HECW2: variants seen among roughly 807,000 people sequenced by gnomAD.
HECW2 encodes HECT, C2 and WW domain containing E3 ubiquitin protein ligase 2, also known as E3 ubiquitin-protein ligase HECW2.
A neutral mutation model predicts 175.2 loss-of-function variants in HECW2; 61 were observed. That is an observed-to-expected ratio of 0.35 (90% CI 0.28 to 0.43). The LOEUF is 0.43. HECW2 is among the 20% of genes least tolerant of loss of function. The pLI, the probability that HECW2 is intolerant of heterozygous loss-of-function variation, is 1.00. For synonymous variants in HECW2, 671 were observed against 731.0 expected (o/e 0.92, Z 1.32); for missense variants, 1,524 against 2,000.5 (o/e 0.76, Z 4.54).
At chr2:196,519,380 A>G (rs1245804830) in intron 1 of HECW2, among the ~76,000 whole-genome samples, 8 of 152,230 alleles carry the variant, frequency 5.3e-5, no homozygotes, top group Admixed American at 3.9e-4. Context: ...AAATAAATAA[A>G]TAAATAAATA....
At chr2:196,480,435 G>A (rs566342002) in intron 1 of HECW2, among the ~76,000 whole-genome samples, 2 of 152,258 alleles carry the variant, frequency 1.3e-5, no homozygotes, top group South Asian at 2.1e-4. Flanking sequence ...AAAATTGGGC[G>A]AGGCCTCCCT....
intron 3 of HECW2, among the ~76,000 whole-genome samples, chr2:196,342,904 T>C (rs142123404): frequency 6.6e-6 from 1 of 151,882 alleles, no homozygotes; most frequent in African/African-American, 2.4e-5. Context: ...TAATTATAGA[T>C]ATAAAGGGTA....
Position 196,258,038 on chromosome 2 carries a change from CCT to C in HECW2, c.3336-134_3336-133del. The C allele has an allele frequency of 6.4e-6, 4 of 626,698 alleles. No individual in the cohort carries two copies. In the South Asian group the frequency reaches 7.8e-5, roughly 12 times the overall value. 38.8% of individuals were successfully genotyped at this position (626,698 alleles called of 1,614,324 possible). On this transcript the variant is annotated intron_variant, in intron 17 of 28. Transcript: ENST00000644978. ...TTATGTGGCAGCTACTGTGTAATAC[CCT>C]AGGAATACACATCCAAGAGAGACAT... is the stretch of plus-strand genomic sequence containing the variant.
At chr2:196,416,033 T>C (rs769688831) in intron 2 of HECW2, among the ~76,000 whole-genome samples, 4 of 152,246 alleles carry the variant, frequency 2.6e-5, no homozygotes, top group Non-Finnish European at 5.9e-5. Flanking sequence ...ATTTTATTTC[T>C]TCGTATCTTT....
chr2:196,221,872 A>G (rs1196287018), intron 24 of HECW2, among the ~76,000 whole-genome samples: 1 of 152,196 alleles, frequency 6.6e-6, no homozygotes, highest in Admixed American at 6.5e-5. Flanking sequence ...CATTCTATAA[A>G]TGCCAATTAA....
At position 196,419,771 on chromosome 2, in the gene HECW2, T is replaced by C. The variant is rs146767301; in HGVS notation, c.292+13361A>G. ...TTACAAATGTTATCTTGTTCCACCTTCAGTGCAATCTTATGAGGTTGGTAT... is the reference window on the plus strand; with the variant it reads ...TTACAAATGTTATCTTGTTCCACCTCCAGTGCAATCTTATGAGGTTGGTAT... On this transcript the variant is annotated intron_variant, in intron 2 of 28. Coordinates refer to ENST00000644978, the MANE Select transcript of HECW2 (RefSeq NM_001348768.2). 5.8e-4 allele frequency among the ~76,000 whole-genome samples: 89 copies of C among 152,284 alleles called. 1 individual carries two copies. The East Asian group carries it at 0.016, about 27-fold the overall frequency.
intron 21 of HECW2, among the ~76,000 whole-genome samples, chr2:196,233,224 G>T (rs890529351): frequency 2.6e-4 from 39 of 152,086 alleles, no homozygotes; most frequent in African/African-American, 9.2e-4. Context: ...TCTGGACGAC[G>T]GGTGTGTAGC....
chr2:196,228,923 C>T (rs1036621767), intron 21 of HECW2, among the ~76,000 whole-genome samples: 2 of 152,130 alleles, frequency 1.3e-5, no homozygotes, highest in Admixed American at 6.5e-5. Context: ...AACTCTAACA[C>T]CTGAGCTACA....
At chr2:196,345,960 A>G (rs1016610565) in intron 2 of HECW2, among the ~76,000 whole-genome samples, 1 of 152,232 alleles carries the variant, frequency 6.6e-6, no homozygotes, top group Admixed American at 6.5e-5. Flanking sequence ...AAGAAAGAGA[A>G]CACACACATA....
chr2:196,228,042 T>C, intron 22 of HECW2, 60 bp downstream of exon 22: 1 of 1,415,890 alleles, frequency 7.1e-7, no homozygotes, highest in Non-Finnish European at 9.4e-7. Flanking sequence ...GTGGGTTCTA[T>C]AAAAAAACTA....
At chr2:196,274,236 G>C in intron 15 of HECW2, 113 bp from the exon 16 acceptor site, 1 of 709,894 alleles carries the variant, frequency 1.4e-6, no homozygotes, top group Admixed American at 2.2e-5. Flanking sequence ...AGTACCACTT[G>C]ATCAGAACAG....
chr2:196,438,881 T>C (rs772947411), intron 1 of HECW2, among the ~76,000 whole-genome samples: 40 of 152,318 alleles, frequency 2.6e-4, no homozygotes, highest in African/African-American at 5.5e-4. Flanking sequence ...TGAAGCTGTA[T>C]AGTCTTCAAA....
At chr2:196,469,365 C>T (rs991739658) in intron 1 of HECW2, among the ~76,000 whole-genome samples, 2 of 151,996 alleles carry the variant, frequency 1.3e-5, no homozygotes, top group African/African-American at 2.4e-5. Flanking sequence ...ACTGTCTCAC[C>T]ACTTTGGCAG....
At chr2:196,338,410 T>A (rs1398168901) in intron 3 of HECW2, among the ~76,000 whole-genome samples, 3 of 152,210 alleles carry the variant, frequency 2.0e-5, no homozygotes, top group Non-Finnish European at 4.4e-5. Flanking sequence ...TACTTTCAAT[T>A]TTTATACTTT....
chr2:196,558,083 G>T (rs1335322774), intron 1 of HECW2, among the ~76,000 whole-genome samples: 1 of 152,126 alleles, frequency 6.6e-6, no homozygotes, highest in Admixed American at 6.5e-5. Context: ...CCATTTAAAA[G>T]ATGAATCAAT....
At chr2:196,401,634 C>G (rs1694819252) in intron 2 of HECW2, among the ~76,000 whole-genome samples, 1 of 152,176 alleles carries the variant, frequency 6.6e-6, no homozygotes, top group African/African-American at 2.4e-5. Flanking sequence ...ATACCTTTCA[C>G]AGATGTTTTA....
intron 28 of HECW2, among the ~76,000 whole-genome samples, chr2:196,215,458 C>A (rs1004553600): frequency 6.6e-6 from 1 of 152,126 alleles, no homozygotes; most frequent in Non-Finnish European, 1.5e-5. Flanking sequence ...CTAAAGAGAT[C>A]TAGAGCACAT....
Position 196,318,797 on chromosome 2 carries a change from T to C in HECW2, c.2093A>G (p.Gln698Arg), listed in dbSNP as rs199586506. 4.8e-5 allele frequency: 73 copies of C among 1,528,190 alleles called. No homozygotes were observed. The highest frequency in any genetic ancestry group is 6.3e-5 in the Non-Finnish European group (72 of 1,136,704). 94.7% of individuals were successfully genotyped at this position (1,528,190 alleles called of 1,614,324 possible). A position where few individuals can be genotyped will look rare whatever the true frequency, so the allele number is the denominator to read the frequency against. ...PTSSGPAEGS[Q>R]ESVCTAGSLP... ...AGAACCAGCAGTGCACACGGATTCCTGCGACCCTTCGGCAGGGCCACTGCT... is the reference window on the plus strand; with the variant it reads ...AGAACCAGCAGTGCACACGGATTCCCGCGACCCTTCGGCAGGGCCACTGCT... Residue 698 changes from glutamine (Q) to arginine (R), a missense_variant, in exon 9 of 29, where the codon CAG becomes CGG. This residue lies in a region of HECW2 where 604 missense variants were observed against 588.3 expected (regional missense o/e 1.03). Transcript: ENST00000644978.
chr2:196,268,352 C>A (rs1258095650), intron 17 of HECW2, among the ~76,000 whole-genome samples: 1 of 152,050 alleles, frequency 6.6e-6, no homozygotes, highest in Non-Finnish European at 1.5e-5. Context: ...AAATAGATTA[C>A]CATGTGAATC....
Sources: gnomAD v4.1 joint callset for allele counts (sites outside exome capture counted in the v4.1 genomes callset) on GRCh38, gnomAD v4.1.1 for gene constraint, gnomAD v4.1.1 regional missense constraint, MANE v1.5 for transcripts, NCBI Gene and HGNC (gene_info 2026-07-23, HGNC 2026-07-21) for gene names.